Variants in GPC4 observed in about 807,000 individuals in gnomAD.
GPC4 encodes the protein glypican 4.
In GPC4, 10 loss-of-function variants were observed where a neutral mutation model predicts 35.0. That is an observed-to-expected ratio of 0.29 (90% CI 0.18 to 0.48). GPC4 has a LOEUF of 0.48. GPC4 is among the 20% of genes least tolerant of loss of function. The pLI is 0.99. For synonymous variants in GPC4, 167 were observed against 170.2 expected (o/e 0.98, Z 0.15); for missense variants, 322 against 451.3 (o/e 0.71, Z 2.60).
At chrX:133,327,796 C>T (rs61260823) in intron 2 of GPC4, among the ~76,000 whole-genome samples, 19,810 of 110,211 alleles carry the variant, frequency 0.18, 1,400 homozygotes, top group South Asian at 0.36. Context: ...TTTTAAAAGA[C>T]TCTTTAATGT....
At chrX:133,384,197 A>T (rs1569353992) in intron 1 of GPC4, among the ~76,000 whole-genome samples, 1 of 111,905 alleles carries the variant, frequency 8.9e-6, no homozygotes, top group Non-Finnish European at 1.9e-5. Context: ...AAGGAGCCAT[A>T]CAGCCTTTTT....
intron 1 of GPC4, among the ~76,000 whole-genome samples, chrX:133,350,480 T>C (rs1282495280): frequency 3.6e-5 from 4 of 110,658 alleles, no homozygotes; most frequent in Non-Finnish European, 7.6e-5. Flanking sequence ...GCCATGATCA[T>C]GCCACTGCAC....
chrX:133,327,757 T>C (rs1317411316), intron 2 of GPC4, among the ~76,000 whole-genome samples: 1 of 109,595 alleles, frequency 9.1e-6, no homozygotes, highest in African/African-American at 3.3e-5. Flanking sequence ...CATTTCATCA[T>C]TCAGAAAATT....
At chrX:133,362,444 G>C (rs753461710) in intron 1 of GPC4, among the ~76,000 whole-genome samples, 1 of 111,576 alleles carries the variant, frequency 9.0e-6, no homozygotes, top group Non-Finnish European at 1.9e-5. Flanking sequence ...ATTTTAAATG[G>C]CATTGATTTT....
chrX:133,351,051 C>T (rs1002241447), intron 1 of GPC4, among the ~76,000 whole-genome samples: 2 of 112,696 alleles, frequency 1.8e-5, no homozygotes, highest in Admixed American at 9.4e-5. Context: ...GCCCTAGCAC[C>T]TGGGCCACAT....
chrX:133,386,899 G>A (rs185394807), intron 1 of GPC4, among the ~76,000 whole-genome samples: 10 of 111,634 alleles, frequency 9.0e-5, no homozygotes, highest in Non-Finnish European at 1.7e-4. Context: ...GGTCATTAGA[G>A]GGAAGGTTCT....
At chrX:133,354,179 C>T (rs984531581) in intron 1 of GPC4, among the ~76,000 whole-genome samples, 2 of 111,260 alleles carry the variant, frequency 1.8e-5, no homozygotes, top group Non-Finnish European at 3.8e-5. Context: ...GTATGCAGTT[C>T]GGGATATACT....
intron 1 of GPC4, among the ~76,000 whole-genome samples, chrX:133,377,094 T>C (rs1335721903): frequency 8.9e-6 from 1 of 111,846 alleles, no homozygotes. Flanking sequence ...CATAAGCACC[T>C]CCCTCTAGTT....
At chrX:133,368,277 T>C (rs900641164) in intron 1 of GPC4, among the ~76,000 whole-genome samples, 1 of 112,147 alleles carries the variant, frequency 8.9e-6, no homozygotes, top group African/African-American at 3.2e-5. Flanking sequence ...GTTGTCTTCT[T>C]GGCAGCATAT....
At position 133,415,423 on chromosome X, in the gene GPC4, C is replaced by T. The variant is rs955946459; in HGVS notation, c.-458G>A. ...GCGCTGGTCCGCTCGTCCGGCTGGA[C>T]TCGGCTCGGCTGACTCTGCCCTCCG... On this transcript the variant is annotated 5_prime_UTR_variant, in exon 1 of 9. Transcript: ENST00000370828. 407 of 118,309 alleles carry T rather than the reference C, an allele frequency of 3.4e-3. No individual in the cohort carries two copies. Among genetic ancestry groups the T allele is most frequent in the African/African-American group, 0.012 (381 of 31,108 alleles). 9.7% of individuals were successfully genotyped at this position (118,309 alleles called of 1,213,427 possible).
At chrX:133,387,342 A>G (rs1418885491) in intron 1 of GPC4, among the ~76,000 whole-genome samples, 3 of 111,760 alleles carry the variant, frequency 2.7e-5, no homozygotes, top group Non-Finnish European at 5.6e-5. Flanking sequence ...TTTTGCAGGG[A>G]TATTAATTCC....
intron 1 of GPC4, chrX:133,414,573 G>A: frequency 1.3e-6 from 1 of 754,192 alleles, no homozygotes; most frequent in Non-Finnish European, 1.6e-6. Context: ...CAACCCGGCG[G>A]CGCCCCTCCG....
At chrX:133,407,035 C>T (rs1166074977) in intron 1 of GPC4, among the ~76,000 whole-genome samples, 1 of 105,013 alleles carries the variant, frequency 9.5e-6, no homozygotes, top group Admixed American at 1.0e-4. Context: ...GAGATCACGC[C>T]ATTGCACGCC....
intron 1 of GPC4, among the ~76,000 whole-genome samples, chrX:133,361,214 T>C (rs112444231): frequency 0.019 from 2,179 of 111,758 alleles, 54 homozygotes; most frequent in African/African-American, 0.067. Context: ...TTGATATACA[T>C]TTATAACCTT....
In GPC4 at chrX:133,415,018, C is replaced by G; in HGVS notation, c.-53G>C. ...ACCTTTGGGACCGGACGGGAAGCGGCGCTACGGCAGCGGGCCGAGGGCTGG... is the reference window on the plus strand; with the variant it reads ...ACCTTTGGGACCGGACGGGAAGCGGGGCTACGGCAGCGGGCCGAGGGCTGG... On this transcript the variant is annotated 5_prime_UTR_variant, in exon 1 of 9. Transcript: ENST00000370828. The G allele has an allele frequency of 8.7e-7, 1 of 1,145,312 alleles. No homozygotes were observed. The highest frequency in any genetic ancestry group is 1.2e-6 in the Non-Finnish European group (1 of 849,395). 94.4% of individuals were successfully genotyped at this position (1,145,312 alleles called of 1,213,427 possible).
chrX:133,413,797 G>A (rs1190185456), intron 1 of GPC4, among the ~76,000 whole-genome samples: 1 of 112,192 alleles, frequency 8.9e-6, no homozygotes, highest in Non-Finnish European at 1.9e-5. Flanking sequence ...GCGACCCGGA[G>A]GGGACCCGGC....
At chrX:133,308,468 G>T (rs936613904) in intron 4 of GPC4, among the ~76,000 whole-genome samples, 6 of 112,108 alleles carry the variant, frequency 5.4e-5, no homozygotes, top group Admixed American at 1.9e-4. Context: ...GGCAAGGGAG[G>T]TATTTGGTTT....
Position 133,324,362 on chromosome X carries a change from C to T in GPC4, c.494G>A (p.Trp165Ter), listed in dbSNP as rs2068381556. The change falls in exon 3 of 9, where the codon TGG (tryptophan) becomes TAG (stop). Residue 165 changes from tryptophan to a stop codon, truncating the protein, a stop_gained. Coordinates refer to ENST00000370828, the MANE Select transcript of GPC4 (RefSeq NM_001448.3). LOFTEE classifies it high-confidence loss of function. ...VNLEEMLNDF[W>*]ARLLERMFRL... ...GAACATCCGCTCCAGGAGGCGAGCC[C>T]AGAAGTCATTTAGCATTTCTTCCAG... The T allele has an allele frequency of 8.3e-7, 1 of 1,211,409 alleles. No homozygotes were observed. Among genetic ancestry groups the T allele is most frequent in the Non-Finnish European group, 1.1e-6 (1 of 895,404 alleles).
intron 1 of GPC4, among the ~76,000 whole-genome samples, chrX:133,413,726 C>T (rs771876782): frequency 2.1e-4 from 24 of 112,032 alleles, no homozygotes; most frequent in African/African-American, 6.5e-4. Context: ...CCAGGGCGAA[C>T]GGGCTACCTG....
Sources: allele counts gnomAD v4.1 joint callset (sites outside exome capture counted in the v4.1 genomes callset), GRCh38; gene constraint gnomAD v4.1.1; transcripts MANE v1.5; gene names NCBI Gene and HGNC (gene_info 2026-07-23, HGNC 2026-07-21).